MACROD2: variants seen among roughly 807,000 people sequenced by gnomAD.
MACROD2 encodes the protein ADP-ribose glycohydrolase MACROD2.
In MACROD2, 36 loss-of-function variants were observed where a neutral mutation model predicts 70.4. The ratio of observed to expected loss-of-function variants is 0.51; its 90% confidence interval spans 0.39 to 0.68. MACROD2 has a LOEUF of 0.68. Ranked by LOEUF, MACROD2 falls within the 30% of genes least tolerant of loss-of-function variation. The pLI is 0.00. For missense variants in MACROD2, 496 were observed against 538.4 expected, an observed-to-expected ratio of 0.92 and a Z score of 0.78; for synonymous variants, 172 against 178.8, an observed-to-expected ratio of 0.96 and a Z score of 0.30.
intron 7 of MACROD2, among the ~76,000 whole-genome samples, chr20:15,492,385 G>C (rs1053643072): frequency 1.3e-5 from 2 of 152,132 alleles, no homozygotes; most frequent in Non-Finnish European, 2.9e-5. Context: ...TCCCGTGCAT[G>C]GTAGGGTGTG....
chr20:15,643,231 G>C (rs1219418918), intron 8 of MACROD2, among the ~76,000 whole-genome samples: 1 of 152,006 alleles, frequency 6.6e-6, no homozygotes, highest in Non-Finnish European at 1.5e-5. Context: ...CCTCAACCTT[G>C]TTCCCCATGC....
chr20:15,902,442 ATTAT>A (rs1230788003), intron 10 of MACROD2, among the ~76,000 whole-genome samples: 3 of 152,086 alleles, frequency 2.0e-5, no homozygotes, highest in African/African-American at 7.2e-5. Context: ...TGTTTAATAA[ATTAT>A]TTATCTATTG....
At chr20:15,253,981 C>T (rs766456657) in intron 6 of MACROD2, among the ~76,000 whole-genome samples, 2 of 152,176 alleles carry the variant, frequency 1.3e-5, no homozygotes, top group African/African-American at 2.4e-5. Flanking sequence ...TGCTGTCCCC[C>T]ATCCTGTATC....
rs913665416 is a variant in MACROD2, at chr20:14,347,166, A to T, written c.272-146313A>T. Among the ~76,000 whole-genome samples, 7 of 152,334 alleles carry T rather than the reference A, an allele frequency of 4.6e-5. No individual in the cohort carries two copies. In the South Asian group the frequency reaches 1.0e-3, roughly 23 times the overall value. On this transcript the variant is annotated intron_variant, in intron 3 of 17. Transcript: ENST00000684519. The stretch of plus-strand genomic sequence containing the variant: ...TAAGGAGAGAATCAGAGGTGCTAAG[A>T]TAGCAACAGCATGTTAATTTGAGGT...
At chr20:15,327,236 T>G (rs1341039151) in intron 6 of MACROD2, among the ~76,000 whole-genome samples, 1 of 152,184 alleles carries the variant, frequency 6.6e-6, no homozygotes, top group African/African-American at 2.4e-5. Flanking sequence ...GATTACTTTC[T>G]GTGTCCTTGT....
intron 2 of MACROD2, among the ~76,000 whole-genome samples, chr20:14,034,858 C>T (rs766757173): frequency 3.0e-4 from 46 of 152,212 alleles, no homozygotes; most frequent in Middle Eastern, 3.4e-3. Context: ...TACCTTTAAT[C>T]ATATGTATTG....
intron 15 of MACROD2, among the ~76,000 whole-genome samples, chr20:15,996,647 A>G (rs1020941374): frequency 1.3e-5 from 2 of 152,080 alleles, no homozygotes; most frequent in African/African-American, 4.8e-5. Context: ...CTCCCATTTT[A>G]TATGTTGCCT....
At chr20:15,011,454 A>C (rs2075081877) in intron 5 of MACROD2, among the ~76,000 whole-genome samples, 1 of 152,106 alleles carries the variant, frequency 6.6e-6, no homozygotes, top group Admixed American at 6.5e-5. Flanking sequence ...CCCTGTCCTT[A>C]TTATCCATTC....
chr20:15,004,120 G>C (rs1223873963), intron 5 of MACROD2, among the ~76,000 whole-genome samples: 5 of 152,182 alleles, frequency 3.3e-5, no homozygotes, highest in Non-Finnish European at 7.4e-5. Context: ...CTTTGGACAA[G>C]AATGGTTTGA....
chr20:14,240,654 A>G (rs970638195), intron 3 of MACROD2, among the ~76,000 whole-genome samples: 23 of 152,182 alleles, frequency 1.5e-4, no homozygotes, highest in Non-Finnish European at 2.6e-4. Context: ...AGACATGGAC[A>G]CAAAGAAAAG....
chr20:14,359,754 C>G (rs978572682), intron 3 of MACROD2, among the ~76,000 whole-genome samples: 2 of 152,038 alleles, frequency 1.3e-5, no homozygotes, highest in African/African-American at 4.8e-5. Flanking sequence ...CTCAGCTATT[C>G]AGGGTGCTGA....
chr20:15,432,776 A>G (rs2046379231), intron 7 of MACROD2, among the ~76,000 whole-genome samples: 1 of 152,032 alleles, frequency 6.6e-6, no homozygotes, highest in African/African-American at 2.4e-5. Context: ...TTCTATGTTT[A>G]TTACCTTGTC....
At chr20:14,151,811 C>CTTTTTTTTTTTTTTTTT (rs144065987) in intron 3 of MACROD2, among the ~76,000 whole-genome samples, 1 of 59,190 alleles carries the variant, frequency 1.7e-5, no homozygotes, top group Non-Finnish European at 3.0e-5. Context: ...TGTATTGTAT[C>CTTTTTTTTTTTTTTTTT]TTTTTTTTTT....
At chr20:15,969,195 C>A (rs2147414191) in intron 13 of MACROD2, among the ~76,000 whole-genome samples, 1 of 152,108 alleles carries the variant, frequency 6.6e-6, no homozygotes, top group East Asian at 1.9e-4. Flanking sequence ...GATTGCTAGT[C>A]CCCTCAGGCA....
intron 8 of MACROD2, among the ~76,000 whole-genome samples, chr20:15,677,369 G>A (rs1429244619): frequency 2.0e-5 from 3 of 152,108 alleles, no homozygotes; most frequent in Admixed American, 6.6e-5. Context: ...TCGGGCATGC[G>A]GTGGTGGGGG....
chr20:15,127,868 G>A (rs770683468), intron 5 of MACROD2, among the ~76,000 whole-genome samples: 5 of 152,072 alleles, frequency 3.3e-5, no homozygotes, highest in Non-Finnish European at 5.9e-5. Context: ...GGGATAATTA[G>A]GGGTCATCTT....
At chr20:15,334,098 G>T (rs547079575) in intron 6 of MACROD2, among the ~76,000 whole-genome samples, 1 of 151,716 alleles carries the variant, frequency 6.6e-6, no homozygotes, top group East Asian at 1.9e-4. Context: ...CAAGTTCTTT[G>T]TCCCCTGTTC....
At chr20:14,798,211 T>C (rs532299767) in intron 5 of MACROD2, among the ~76,000 whole-genome samples, 1 of 152,228 alleles carries the variant, frequency 6.6e-6, no homozygotes, top group South Asian at 2.1e-4. Context: ...CCTGATTTCA[T>C]TTACTTTAAA....
chr20:15,828,992 G>T (rs1359780271), intron 8 of MACROD2, among the ~76,000 whole-genome samples: 1 of 151,978 alleles, frequency 6.6e-6, no homozygotes, highest in Non-Finnish European at 1.5e-5. Context: ...TCACCTGCCT[G>T]TTATTTACAA....
Sources: gnomAD v4.1 joint callset for allele counts (sites outside exome capture counted in the v4.1 genomes callset) on GRCh38, gnomAD v4.1.1 for gene constraint, MANE v1.5 for transcripts, NCBI Gene and HGNC (gene_info 2026-07-23, HGNC 2026-07-21) for gene names.